Variants in PPP3CA observed in about 807,000 individuals in gnomAD.
PPP3CA encodes the protein protein phosphatase 3 catalytic subunit alpha.
PPP3CA carries 14 observed loss-of-function variants against 66.5 expected under a neutral mutation model. The ratio of observed to expected loss-of-function variants is 0.21; its 90% confidence interval spans 0.14 to 0.33. The LOEUF is 0.33. PPP3CA is among the 10% of genes least tolerant of loss of function. The pLI is 1.00. For missense variants in PPP3CA, 317 were observed against 639.5 expected (o/e 0.50, Z 5.44); for synonymous variants, 232 against 226.2 (o/e 1.03, Z -0.23).
intron 11 of PPP3CA, among the ~76,000 whole-genome samples, chr4:101,037,657 A>G (rs1242001267): frequency 6.6e-6 from 1 of 152,048 alleles, no homozygotes; most frequent in Admixed American, 6.6e-5. Flanking sequence ...CTTGCTAGCC[A>G]ATCTTCACGT....
intron 1 of PPP3CA, among the ~76,000 whole-genome samples, chr4:101,303,637 T>C (rs1728448337): frequency 6.6e-6 from 1 of 152,220 alleles, no homozygotes; most frequent in Non-Finnish European, 1.5e-5. Context: ...ATTCACAATG[T>C]ACAGGTTGTT....
intron 2 of PPP3CA, among the ~76,000 whole-genome samples, chr4:101,156,582 A>C (rs1415510445): frequency 6.6e-6 from 1 of 152,144 alleles, no homozygotes; most frequent in Non-Finnish European, 1.5e-5. Flanking sequence ...CGGGAGACTG[A>C]GGCAGGAGAA....
In PPP3CA at chr4:101,193,119, T is replaced by C. The variant is rs575482697; in HGVS notation, c.259+2797A>G. ...TTTAGTCAACAATTTAATGTACTTA[T>C]GCTTGGTTAGATATCTGTTTCCATT... On this transcript the variant is annotated intron_variant, in intron 2 of 13. Transcript: ENST00000394854. 2.6e-5 allele frequency among the ~76,000 whole-genome samples: 4 copies of C among 152,252 alleles called. No homozygotes were observed. The East Asian group carries it at 5.8e-4, about 22-fold the overall frequency.
intron 1 of PPP3CA, among the ~76,000 whole-genome samples, chr4:101,303,699 T>C (rs545563885): frequency 6.6e-6 from 1 of 152,298 alleles, no homozygotes; most frequent in East Asian, 1.9e-4. Flanking sequence ...TAGGATGGAT[T>C]CCCAGAAGTG....
chr4:101,062,207 AC>A (rs917527550), intron 9 of PPP3CA, among the ~76,000 whole-genome samples: 4 of 152,028 alleles, frequency 2.6e-5, no homozygotes, highest in African/African-American at 9.7e-5. Flanking sequence ...AGATGACACT[AC>A]TCCAATTTGA....
chr4:101,093,651 C>T lies in PPP3CA; in HGVS notation c.782+125G>A, dbSNP rs994945231. 5.0e-5 allele frequency: 48 copies of T among 952,256 alleles called. No homozygotes were observed. The Admixed American group carries it at 1.1e-3, about 21-fold the overall frequency. The allele number at this position is 952,256 out of a possible 1,614,324, so 59.0% of individuals were successfully genotyped here. On this transcript the variant is annotated intron_variant, in intron 6 of 13. Coordinates refer to ENST00000394854, the MANE Select transcript of PPP3CA (RefSeq NM_000944.5). ...TATTTATATTTTCATTTTATAAATGCTAGTGAGCCTTTCATTTATATTAAA... is the reference window on the plus strand; with the variant it reads ...TATTTATATTTTCATTTTATAAATGTTAGTGAGCCTTTCATTTATATTAAA...
At chr4:101,294,806 GC>G (rs1728144542) in intron 1 of PPP3CA, among the ~76,000 whole-genome samples, 1 of 151,540 alleles carries the variant, frequency 6.6e-6, no homozygotes, top group South Asian at 2.1e-4. Context: ...GCTAGTTGTA[GC>G]GATGAAAAAT....
Position 101,238,678 on chromosome 4 carries a change from C to A in PPP3CA, c.59-42562G>T, listed in dbSNP as rs2110231299. Among the ~76,000 whole-genome samples the A allele has an allele frequency of 2.0e-5, 3 of 152,130 alleles. No homozygotes were observed. In the South Asian group the frequency reaches 6.2e-4, roughly 32 times the overall value. On this transcript the variant is annotated intron_variant, in intron 1 of 13. Coordinates refer to ENST00000394854, the MANE Select transcript of PPP3CA (RefSeq NM_000944.5). ...GGATTCAAAAATCATCGTTTTTCTA[C>A]TTCAAGAATCAATATTTATCTCAGG...
intron 1 of PPP3CA, among the ~76,000 whole-genome samples, chr4:101,345,288 T>A (rs996752805): frequency 2.0e-5 from 3 of 152,234 alleles, no homozygotes; most frequent in African/African-American, 7.2e-5. Context: ...AAAATTACTT[T>A]AAAAACTGAG....
At chr4:101,244,086 A>G (rs542402283) in intron 1 of PPP3CA, among the ~76,000 whole-genome samples, 20 of 152,212 alleles carry the variant, frequency 1.3e-4, no homozygotes, top group Admixed American at 2.0e-4. Flanking sequence ...AGGAAAGATC[A>G]TATCTTCCAA....
At chr4:101,209,627 T>C (rs1197328197) in intron 1 of PPP3CA, among the ~76,000 whole-genome samples, 2 of 152,196 alleles carry the variant, frequency 1.3e-5, no homozygotes, top group Non-Finnish European at 2.9e-5. Flanking sequence ...CTATTCCAGA[T>C]GCTGCTATAC....
At chr4:101,074,411 G>GA (rs1729056110) in intron 8 of PPP3CA, among the ~76,000 whole-genome samples, 2 of 152,042 alleles carry the variant, frequency 1.3e-5, no homozygotes, top group South Asian at 4.2e-4. Flanking sequence ...CCTCCTAGTG[G>GA]AAAAAAATTG....
chr4:101,329,862 G>GA (rs567176723), intron 1 of PPP3CA, among the ~76,000 whole-genome samples: 106 of 145,880 alleles, frequency 7.3e-4, no homozygotes, highest in Admixed American at 1.4e-3. Context: ...ACTGCTCAGG[G>GA]AAAAAAAAAA....
At chr4:101,158,749 TATGA>T (rs1252866237) in intron 2 of PPP3CA, among the ~76,000 whole-genome samples, 1 of 152,138 alleles carries the variant, frequency 6.6e-6, no homozygotes, top group Non-Finnish European at 1.5e-5. Context: ...TAGTGAATCC[TATGA>T]ATAAGTTGCA....
At chr4:101,320,488 G>A (rs1209948415) in intron 1 of PPP3CA, among the ~76,000 whole-genome samples, 4 of 118,432 alleles carry the variant, frequency 3.4e-5, no homozygotes, top group African/African-American at 9.2e-5. Flanking sequence ...GTGTGTGTGT[G>A]TGTATACACA....
chr4:101,293,761 A>G (rs1436277365), intron 1 of PPP3CA, among the ~76,000 whole-genome samples: 2 of 152,222 alleles, frequency 1.3e-5, no homozygotes, highest in Non-Finnish European at 2.9e-5. Context: ...TCAACTCCTT[A>G]GGTCTCAGCT....
chr4:101,053,076 G>T (rs1728079356), intron 10 of PPP3CA, among the ~76,000 whole-genome samples: 1 of 151,938 alleles, frequency 6.6e-6, no homozygotes, highest in Admixed American at 6.6e-5. Flanking sequence ...GTTCATCACT[G>T]AATATATGGT....
intron 1 of PPP3CA, among the ~76,000 whole-genome samples, chr4:101,201,848 A>G (rs1724976307): frequency 6.6e-6 from 1 of 152,246 alleles, no homozygotes; most frequent in African/African-American, 2.4e-5. Context: ...ACAGTCCACC[A>G]TGCTAATCAA....
intron 11 of PPP3CA, among the ~76,000 whole-genome samples, chr4:101,039,908 A>G (rs1727429755): frequency 6.9e-6 from 1 of 144,508 alleles, no homozygotes; most frequent in Non-Finnish European, 1.5e-5. Flanking sequence ...TGTATTATTT[A>G]GAAATAACTG....
Sources: allele counts gnomAD v4.1 joint callset (sites outside exome capture counted in the v4.1 genomes callset), GRCh38; gene constraint gnomAD v4.1.1; transcripts MANE v1.5; gene names NCBI Gene and HGNC (gene_info 2026-07-23, HGNC 2026-07-21).